The following UBR4 variants were observed in gnomAD, a reference collection of about 807,000 sequenced individuals.
UBR4 encodes the protein ubiquitin protein ligase E3 component n-recognin 4.
UBR4 carries 124 observed loss-of-function variants against 575.6 expected under a neutral mutation model. The ratio of observed to expected loss-of-function variants is 0.22; its 90% CI spans 0.19 to 0.25. The LOEUF is 0.25. Ranked by LOEUF, UBR4 falls within the 10% of genes least tolerant of loss-of-function variation. UBR4 has a pLI of 1.00. For missense variants in UBR4, 4,818 were observed against 6,478.8 expected, an observed-to-expected ratio of 0.74 and a Z score of 8.80; for synonymous variants, 2,455 against 2,473.7, an observed-to-expected ratio of 0.99 and a Z score of 0.22.
At chr1:19,133,385 A>C (rs1370131528) in intron 60 of UBR4, among the ~76,000 whole-genome samples, 1 of 152,188 alleles carries the variant, frequency 6.6e-6, no homozygotes, top group Non-Finnish European at 1.5e-5. Flanking sequence ...ACTAGGAACA[A>C]AATCTCCTTA....
rs139872335 is a variant in UBR4, at chr1:19,077,986, T to C, written c.15314A>G (p.Asn5105Ser). 3.7e-6 allele frequency: 6 copies of C among 1,613,868 alleles called. No individual in the cohort carries two copies. The highest frequency in any genetic ancestry group is 2.7e-5 in the African/African-American group (2 of 74,878). ...TGACAGCCTCCTTACCTTAAACATG[T>C]TGTAAATGAGATCGACGAGGGCCCA... ...LFWALVDLIY[N>S]MFKKVPTSNT... Residue 5105 changes from asparagine to serine, a missense_variant, in exon 104 of 106, where the codon AAC (asparagine) becomes AGC (serine). Asn to Ser is a conservative substitution (Grantham distance 46). Around this residue, in one of 29 missense-constraint regions of UBR4, gnomAD observed 212 missense variants for 221.3 expected, o/e 0.96. Transcript: ENST00000375254.
chr1:19,193,609 C>T (rs1380864310), intron 8 of UBR4, 52 bp from the exon 9 acceptor site: 1 of 1,549,012 alleles, frequency 6.5e-7, no homozygotes, highest in East Asian at 2.3e-5. Context: ...CAAGAATCCA[C>T]CAAAGCTGAA....
chr1:19,099,683 C>T lies in UBR4; in HGVS notation c.13222-6G>A. On this transcript the variant is annotated splice_polypyrimidine_tract_variant and splice_region_variant and intron_variant, in intron 89 of 105. Coordinates refer to ENST00000375254, the MANE Select transcript of UBR4 (RefSeq NM_020765.3). ...ATTTTATTGTTCACTAGAAGCTGAA[C>T]AGAAAAGCAGGTGAAGCTGTTGTTC... The T allele has an allele frequency of 6.2e-7, 1 of 1,610,734 alleles. No homozygotes were observed. Among genetic ancestry groups the T allele is most frequent in the Admixed American group, 1.7e-5 (1 of 59,284 alleles).
At chr1:19,175,079 C>A in intron 20 of UBR4, 46 bp from the exon 21 acceptor site, 2 of 1,518,228 alleles carry the variant, frequency 1.3e-6, no homozygotes, top group Non-Finnish European at 9.1e-7. Flanking sequence ...ATTCTTAACT[C>A]TATCTGACTA....
rs2082399479 is a variant in UBR4, at chr1:19,131,245, A to C, written c.8907-2171T>G. Among the ~76,000 whole-genome samples, 37 of 22,474 alleles carry C rather than the reference A, an allele frequency of 1.6e-3. 1 individual carries two copies. The South Asian group carries it at 0.021, about 13-fold the overall frequency. The allele number at this position is 22,474 out of a possible 152,430, so 14.7% of individuals were successfully genotyped here. Reference sequence around the variant, plus strand: ...TCTTACACAGTACTCTTGAAACTTAAAAAAAAAAAAAAAAAAAAAAAAAAT... The same window carrying C: ...TCTTACACAGTACTCTTGAAACTTACAAAAAAAAAAAAAAAAAAAAAAAAT... On this transcript the variant is annotated intron_variant, in intron 60 of 105. Transcript: ENST00000375254.
chr1:19,102,871 A>C (rs186213785), intron 87 of UBR4, among the ~76,000 whole-genome samples: 14 of 152,316 alleles, frequency 9.2e-5, no homozygotes, highest in Admixed American at 7.2e-4. Context: ...GAGGAAATTG[A>C]CTTTCCTTAA....
At chr1:19,160,685 A>G (rs1455744071) in intron 38 of UBR4, among the ~76,000 whole-genome samples, 1 of 152,254 alleles carries the variant, frequency 6.6e-6, no homozygotes, top group African/African-American at 2.4e-5. Flanking sequence ...GGTACTCTAC[A>G]GTATGACACA....
intron 28 of UBR4, 131 bp from the exon 29 acceptor site, chr1:19,167,362 C>A: frequency 1.2e-6 from 1 of 833,354 alleles, no homozygotes; most frequent in Non-Finnish European, 1.9e-6. Flanking sequence ...TTATTCCAGT[C>A]TTTTTCCCAT....
intron 11 of UBR4, among the ~76,000 whole-genome samples, chr1:19,190,192 C>T: frequency 6.7e-6 from 1 of 148,284 alleles, no homozygotes; most frequent in East Asian, 2.0e-4. Context: ...TACCTGGTGG[C>T]TGAGGCACAA....
Position 19,150,686 on chromosome 1 carries a change from G to C in UBR4, c.7321C>G (p.Pro2441Ala), listed in dbSNP as rs1267304747. Residue 2441 changes from proline (P) to alanine (A), a missense_variant, in exon 49 of 106, where the codon CCT becomes GCT. Physicochemically the swap from Pro to Ala is conservative, Grantham distance 27. Transcript: ENST00000375254. ...GWPDEPPEEFPSASVSNICPS... is the reference protein window; with the variant it reads ...GWPDEPPEEFASASVSNICPS... ...CAGATGTTGCTGACAGAGGCAGAAGGGAATTCTTCTGGGGGCTCATCAGGC... is the reference window on the plus strand; with the variant it reads ...CAGATGTTGCTGACAGAGGCAGAAGCGAATTCTTCTGGGGGCTCATCAGGC... 6.2e-7 allele frequency: 1 copy of C among 1,614,058 alleles called. No individual in the cohort carries two copies. Among genetic ancestry groups the C allele is most frequent in the South Asian group, 1.1e-5 (1 of 91,070 alleles).
intron 8 of UBR4, among the ~76,000 whole-genome samples, chr1:19,194,694 C>G (rs1250266829): frequency 6.6e-6 from 1 of 151,826 alleles, no homozygotes; most frequent in Non-Finnish European, 1.5e-5. Context: ...CCCAGCTACT[C>G]GGGAAGCTGA....
chr1:19,150,758 T>C lies in UBR4; in HGVS notation c.7249A>G (p.Ile2417Val), dbSNP rs773058798. ...ASVDPAGVTM[I>V]DAVKIYGKTK... ...TTGCCATAAATTTTTACAGCATCTA[T>C]CATGGTGACACCTGCTGGATCCACC... Residue 2417 changes from isoleucine to valine, a missense_variant, in exon 49 of 106, where the codon ATA becomes GTA. Around this residue, in one of 29 missense-constraint regions of UBR4, gnomAD observed 340 missense variants for 375.4 expected, o/e 0.91. Transcript: ENST00000375254. The C allele has an allele frequency of 1.9e-6, 3 of 1,614,014 alleles. No individual in the cohort carries two copies. The highest frequency in any genetic ancestry group is 1.1e-5 in the South Asian group (1 of 91,068).
At chr1:19,207,011 C>T (rs960964744) in intron 1 of UBR4, among the ~76,000 whole-genome samples, 1 of 151,982 alleles carries the variant, frequency 6.6e-6, no homozygotes, top group Non-Finnish European at 1.5e-5. Flanking sequence ...GCTACCAGGT[C>T]GAAAGTAAGA....
In UBR4 at chr1:19,093,509, G is replaced by A. The variant is rs776026783; in HGVS notation, c.13938-23C>T. The A allele has an allele frequency of 5.0e-6, 8 of 1,611,692 alleles. No individual in the cohort carries two copies. The East Asian group carries it at 1.8e-4, about 36-fold the overall frequency. The stretch of plus-strand genomic sequence containing the variant: ...TATCTAGGAGGAAAGAGCAGAGTTT[G>A]AGGGTGTGAAAGGCGGGACAAAACC... On this transcript the variant is annotated intron_variant, in intron 95 of 105. Transcript: ENST00000375254. This position sits in a 1 kb window ranked among gnomAD's most constrained non-coding sequence, Gnocchi z 4.8.
Position 19,163,799 on chromosome 1 carries a change from C to T in UBR4, c.4729G>A (p.Val1577Ile), listed in dbSNP as rs1378166228. ...CKKYLSQKNVVEKLNANVMHG... is the reference protein window; with the variant it reads ...CKKYLSQKNVIEKLNANVMHG... ...ATTACATTGGCATTCAGTTTTTCAACTACATTCTTCTGTGACAGGTATTTC... is the reference window on the plus strand; with the variant it reads ...ATTACATTGGCATTCAGTTTTTCAATTACATTCTTCTGTGACAGGTATTTC... Residue 1577 changes from valine to isoleucine, a missense_variant, in exon 34 of 106, where the codon GTT becomes ATT. Val to Ile is a conservative substitution (Grantham distance 29). Around this residue, in one of 29 missense-constraint regions of UBR4, gnomAD observed 1,172 missense variants for 1,259.7 expected, o/e 0.93. Transcript: ENST00000375254. The T allele has an allele frequency of 7.4e-6, 12 of 1,613,972 alleles. No homozygotes were observed. The Admixed American group carries it at 1.7e-4, about 22-fold the overall frequency.
chr1:19,155,964 C>T lies in UBR4; in HGVS notation c.6073-296G>A, dbSNP rs796188688. Among the ~76,000 whole-genome samples, 56 of 152,308 alleles carry T rather than the reference C, an allele frequency of 3.7e-4. 1 individual carries two copies. Among genetic ancestry groups the T allele is most frequent in the African/African-American group, 1.3e-3 (56 of 41,576 alleles). ...GAATCAATTCCCTATTGCCTAAAGACAGAAAGCTCCTACTCAGCAACATAG... is the reference window on the plus strand; with the variant it reads ...GAATCAATTCCCTATTGCCTAAAGATAGAAAGCTCCTACTCAGCAACATAG... On this transcript the variant is annotated intron_variant, in intron 42 of 105. Coordinates refer to ENST00000375254, the MANE Select transcript of UBR4 (RefSeq NM_020765.3).
At chr1:19,136,411 C>T (rs2083203612) in intron 60 of UBR4, among the ~76,000 whole-genome samples, 1 of 152,080 alleles carries the variant, frequency 6.6e-6, no homozygotes, top group Admixed American at 6.5e-5. Flanking sequence ...GAAGGTACAG[C>T]TATTAGTTAA....
In UBR4 at chr1:19,093,469, C is replaced by A. The variant is rs749658989; in HGVS notation, c.13955G>T (p.Ser4652Ile). The change falls in exon 96 of 106, where the codon AGT becomes ATT. Residue 4652 changes from serine to isoleucine, a missense_variant. This residue lies in a region of UBR4 where 165 missense variants were observed against 282.3 expected (regional missense o/e 0.58). Coordinates refer to ENST00000375254, the MANE Select transcript of UBR4 (RefSeq NM_020765.3). The surrounding 1 kb of genome is among the most constrained non-coding windows in gnomAD (Gnocchi z 4.8). ...CNFDKYDEDHSGDDKVFLDCF... is the reference protein window; with the variant it reads ...CNFDKYDEDHIGDDKVFLDCF... ...GTCCAGGAAGACTTTATCATCACCA[C>A]TGTGATCTTCATCATATCTAGGAGG... 2.0e-5 allele frequency: 32 copies of A among 1,614,176 alleles called. No individual in the cohort carries two copies. The South Asian group carries it at 3.3e-4, about 17-fold the overall frequency.
intron 22 of UBR4, among the ~76,000 whole-genome samples, chr1:19,173,844 C>T (rs1462406230): frequency 6.6e-6 from 1 of 152,236 alleles, no homozygotes; most frequent in Non-Finnish European, 1.5e-5. Flanking sequence ...GTATTCTGCA[C>T]ATTTCACAGA....
Sources: gnomAD v4.1 joint callset for allele counts (sites outside exome capture counted in the v4.1 genomes callset) on GRCh38, gnomAD v4.1.1 for gene constraint, gnomAD v4.1.1 regional missense constraint, Gnocchi (gnomAD v3.1) non-coding constraint, MANE v1.5 for transcripts, NCBI Gene and HGNC (gene_info 2026-07-23, HGNC 2026-07-21) for gene names.